The following SNAP23 variants were observed in gnomAD, a reference collection of about 807,000 sequenced individuals.
SNAP23 encodes the protein synaptosomal-associated protein 23.
A neutral mutation model predicts 29.0 loss-of-function variants in SNAP23; 11 were observed. The ratio of observed to expected loss-of-function variants is 0.38; its 90% confidence interval spans 0.24 to 0.63. The LOEUF (loss-of-function observed/expected upper bound fraction) is 0.63. Among genes scored for constraint, SNAP23 ranks in the 20% least tolerant of loss-of-function variants. The pLI is 0.58. For synonymous variants in SNAP23, 60 were observed against 82.9 expected, an observed-to-expected ratio of 0.72 and a Z score of 1.50; for missense variants, 220 against 253.9, an observed-to-expected ratio of 0.87 and a Z score of 0.91.
chr15:42,503,549 T>C (rs1199516510), intron 1 of SNAP23, among the ~76,000 whole-genome samples: 2 of 152,110 alleles, frequency 1.3e-5, no homozygotes, highest in Non-Finnish European at 2.9e-5. Context: ...TTTGTATTTT[T>C]AGTAGAGACG....
At chr15:42,520,996 A>G (rs1485075092) in intron 5 of SNAP23, among the ~76,000 whole-genome samples, 4 of 152,228 alleles carry the variant, frequency 2.6e-5, no homozygotes, top group African/African-American at 4.8e-5. Context: ...TAAAATGAAT[A>G]TTGAATTATA....
intron 1 of SNAP23, chr15:42,505,603 TGAA>T (rs2057310622): frequency 1.3e-5 from 2 of 149,416 alleles, no homozygotes; most frequent in Non-Finnish European, 3.0e-5. Context: ...TTGCCCAGGC[TGAA>T]GTACAGTGGC....
At chr15:42,493,354 C>A (rs2595937), upstream of SNAP23, among the ~76,000 whole-genome samples, 124,822 of 147,208 alleles carry the variant, frequency 0.85, 54,658 homozygotes, top group Non-Finnish European at 0.95. Context: ...CTCTCTCTCT[C>A]TATATATATA....
At chr15:42,515,154 A>G (rs1344818809) in intron 4 of SNAP23, 83 bp from the exon 5 acceptor site, 1 of 772,536 alleles carries the variant, frequency 1.3e-6, no homozygotes, top group Non-Finnish European at 2.2e-6. Flanking sequence ...TCAAGGTTGA[A>G]GTTTGCTGTT....
At chr15:42,517,317 C>T (rs2057405324) in intron 5 of SNAP23, among the ~76,000 whole-genome samples, 1 of 152,158 alleles carries the variant, frequency 6.6e-6, no homozygotes, top group Admixed American at 6.5e-5. Context: ...GATACAAACT[C>T]TTAGCTATGT....
At chr15:42,500,521 TG>T (rs1483015594) in intron 1 of SNAP23, among the ~76,000 whole-genome samples, 1 of 151,984 alleles carries the variant, frequency 6.6e-6, no homozygotes, top group African/African-American at 2.4e-5. Context: ...CCTGAGTAGC[TG>T]GGATTACAGG....
chr15:42,512,612 C>T lies in SNAP23; in HGVS notation c.58-343C>T, dbSNP rs578188557. Among the ~76,000 whole-genome samples the T allele has an allele frequency of 2.4e-4, 36 of 152,142 alleles. 1 individual carries two copies. The South Asian group carries it at 7.0e-3, about 30-fold the overall frequency. On this transcript the variant is annotated intron_variant, in intron 2 of 7. Transcript: ENST00000249647. ...CAGGCTGGTCTCAAACTTCTGACCT[C>T]GTGATCCGCCCACCTCAGCCTCCCA...
intron 5 of SNAP23, chr15:42,521,493 A>T: frequency 7.4e-7 from 1 of 1,355,642 alleles, no homozygotes; most frequent in Admixed American, 3.4e-5. Context: ...AGGAAATTGA[A>T]TGCATTATGT....
chr15:42,520,784 A>T (rs558156417), intron 5 of SNAP23, among the ~76,000 whole-genome samples: 1 of 152,152 alleles, frequency 6.6e-6, no homozygotes, highest in South Asian at 2.1e-4. Flanking sequence ...GTGAGCCACC[A>T]CACCCGGCCT....
chr15:42,514,161 G>A (rs778484057), intron 4 of SNAP23, among the ~76,000 whole-genome samples: 32 of 149,494 alleles, frequency 2.1e-4, no homozygotes, highest in Non-Finnish European at 4.0e-4. Flanking sequence ...TTTTTGAGTC[G>A]GAGTCTTACT....
chr15:42,511,372 T>C (rs1265283222), intron 1 of SNAP23, among the ~76,000 whole-genome samples: 2 of 152,228 alleles, frequency 1.3e-5, no homozygotes, highest in African/African-American at 4.8e-5. Flanking sequence ...AACTGGCATA[T>C]TTAGAAATGT....
At chr15:42,524,343 A>G (rs577251805) in intron 5 of SNAP23, among the ~76,000 whole-genome samples, 1 of 152,226 alleles carries the variant, frequency 6.6e-6, no homozygotes, top group East Asian at 1.9e-4. Context: ...GCAGCCTACT[A>G]TCTATGTGTT....
chr15:42,519,586 T>C (rs1352454696), intron 5 of SNAP23, among the ~76,000 whole-genome samples: 1 of 151,852 alleles, frequency 6.6e-6, no homozygotes, highest in East Asian at 1.9e-4. Context: ...GCCAGGATGG[T>C]CTTGAACTCC....
chr15:42,508,367 G>A (rs2057331519), intron 1 of SNAP23, among the ~76,000 whole-genome samples: 2 of 152,048 alleles, frequency 1.3e-5, no homozygotes, highest in Non-Finnish European at 2.9e-5. Context: ...GGTTCCTCAG[G>A]GCCAATTGGT....
Position 42,501,588 on chromosome 15 carries a change from T to C in SNAP23, c.-15+5875T>C, listed in dbSNP as rs146725755. On this transcript the variant is annotated intron_variant, in intron 1 of 7. Transcript: ENST00000249647. ...CTGATTTTTTTTTTGTTGTTTAATT[T>C]TGTGTAGAGATGGGGGACTTGCTTT... is the stretch of plus-strand genomic sequence containing the variant. Among the ~76,000 whole-genome samples the C allele has an allele frequency of 8.1e-3, 1,229 of 152,042 alleles. 7 individuals are homozygous for C. The highest frequency in any genetic ancestry group is 0.013 in the Non-Finnish European group (897 of 67,972).
intron 5 of SNAP23, among the ~76,000 whole-genome samples, chr15:42,523,091 C>G (rs2057464239): frequency 6.6e-6 from 1 of 151,552 alleles, no homozygotes; most frequent in Admixed American, 6.6e-5. Context: ...AGTAATTCAC[C>G]CGCCTTGGCC....
upstream of SNAP23, among the ~76,000 whole-genome samples, chr15:42,492,576 G>T (rs574655092): frequency 8.8e-4 from 132 of 150,738 alleles, 1 homozygote; most frequent in African/African-American, 3.1e-3. Context: ...TACTCGGAAG[G>T]CTGAGGAAGG....
At chr15:42,525,223 C>T (rs1270181706) in intron 5 of SNAP23, among the ~76,000 whole-genome samples, 1 of 151,628 alleles carries the variant, frequency 6.6e-6, no homozygotes, top group Non-Finnish European at 1.5e-5. Context: ...AAAAAATTAG[C>T]CGGGCGTGGT....
intron 4 of SNAP23, among the ~76,000 whole-genome samples, chr15:42,514,124 GT>G (rs1469364656): frequency 6.8e-6 from 1 of 147,780 alleles, no homozygotes; most frequent in Non-Finnish European, 1.5e-5. Context: ...CTTTTGTTTT[GT>G]TTTGTTTTGT....
Sources: allele counts gnomAD v4.1 joint callset (sites outside exome capture counted in the v4.1 genomes callset), GRCh38; gene constraint gnomAD v4.1.1; transcripts MANE v1.5; gene names NCBI Gene and HGNC (gene_info 2026-07-23, HGNC 2026-07-21).